KLHL29: variants seen among roughly 807,000 people sequenced by gnomAD.
KLHL29 encodes the protein kelch like family member 29.
In KLHL29, 21 loss-of-function variants were observed where a neutral mutation model predicts 80.4. That is an observed-to-expected ratio of 0.26 (90% CI 0.19 to 0.38). The LOEUF (loss-of-function observed/expected upper bound fraction) is 0.38. Ranked by LOEUF, KLHL29 falls within the 10% of genes least tolerant of loss-of-function variation. KLHL29 has a pLI of 1.00. For missense variants in KLHL29, 867 were observed against 1,223.9 expected, an observed-to-expected ratio of 0.71 and a Z score of 4.35; for synonymous variants, 511 against 526.8, an observed-to-expected ratio of 0.97 and a Z score of 0.41.
intron 5 of KLHL29, among the ~76,000 whole-genome samples, chr2:23,649,802 C>A (rs1670040407): frequency 6.6e-6 from 1 of 152,222 alleles, no homozygotes; most frequent in Non-Finnish European, 1.5e-5. Context: ...GGTGCTGACC[C>A]GTGGCAGGAA....
intron 3 of KLHL29, among the ~76,000 whole-genome samples, chr2:23,635,115 G>C (rs1407295798): frequency 6.6e-6 from 1 of 152,244 alleles, no homozygotes; most frequent in Non-Finnish European, 1.5e-5. Flanking sequence ...ACAGGACGCT[G>C]CTAGTCTATA....
chr2:23,629,647 G>T (rs1669418859), intron 3 of KLHL29, among the ~76,000 whole-genome samples: 1 of 152,184 alleles, frequency 6.6e-6, no homozygotes. Context: ...CCCATCTGTG[G>T]TTGCTTTATG....
At chr2:23,511,614 G>C (rs1021895377) in intron 2 of KLHL29, among the ~76,000 whole-genome samples, 1 of 152,180 alleles carries the variant, frequency 6.6e-6, no homozygotes, top group African/African-American at 2.4e-5. Flanking sequence ...TTATCTCAGC[G>C]TTGAGAGTAT....
intron 3 of KLHL29, among the ~76,000 whole-genome samples, chr2:23,632,949 A>T (rs1669507827): frequency 6.6e-6 from 1 of 151,036 alleles, no homozygotes; most frequent in Admixed American, 6.6e-5. Context: ...CTGGTAGAGA[A>T]AGTTTTCTGA....
chr2:23,692,827 T>TG (rs1441226948), intron 7 of KLHL29, among the ~76,000 whole-genome samples: 3 of 152,064 alleles, frequency 2.0e-5, no homozygotes, highest in Non-Finnish European at 4.4e-5. Context: ...TGCAAGAAGC[T>TG]GGGAGGTGTG....
chr2:23,581,151 T>G (rs1436468268), intron 3 of KLHL29, among the ~76,000 whole-genome samples: 1 of 151,946 alleles, frequency 6.6e-6, no homozygotes, highest in Non-Finnish European at 1.5e-5. Context: ...ATTTAAACAA[T>G]GACATCTTCT....
chr2:23,626,355 T>C (rs1221113182), intron 3 of KLHL29, among the ~76,000 whole-genome samples: 1 of 152,106 alleles, frequency 6.6e-6, no homozygotes, highest in East Asian at 1.9e-4. Context: ...GTGGCCTAGT[T>C]CCTAACAGGC....
intron 2 of KLHL29, among the ~76,000 whole-genome samples, chr2:23,501,370 A>C (rs1260065678): frequency 6.6e-6 from 1 of 152,012 alleles, no homozygotes; most frequent in Non-Finnish European, 1.5e-5. Context: ...CCGGGGAAAG[A>C]GGCTATACAG....
chr2:23,643,703 GC>G (rs1027294909), intron 5 of KLHL29: 4 of 152,326 alleles, frequency 2.6e-5, no homozygotes, highest in African/African-American at 9.7e-5. Context: ...CTATAGGTTT[GC>G]CTAGCCCTTA....
chr2:23,465,327 G>A (rs1387541100), intron 1 of KLHL29, among the ~76,000 whole-genome samples: 1 of 152,206 alleles, frequency 6.6e-6, no homozygotes, highest in Non-Finnish European at 1.5e-5. Flanking sequence ...TCCAGCCAGG[G>A]CATCACCTGC....
At chr2:23,488,002 A>G (rs10206453) in intron 2 of KLHL29, among the ~76,000 whole-genome samples, 102,867 of 152,080 alleles carry the variant, frequency 0.68, 34,827 homozygotes, top group Middle Eastern at 0.77. Flanking sequence ...TTAACCTCCT[A>G]CGGCCAGTGA....
chr2:23,583,106 C>T (rs1668026709), intron 3 of KLHL29, among the ~76,000 whole-genome samples: 1 of 152,214 alleles, frequency 6.6e-6, no homozygotes, highest in Non-Finnish European at 1.5e-5. Flanking sequence ...GGACCCTCCC[C>T]TGGAGCATCC....
At chr2:23,651,410 C>T (rs533232881) in intron 5 of KLHL29, among the ~76,000 whole-genome samples, 41 of 152,232 alleles carry the variant, frequency 2.7e-4, no homozygotes, top group African/African-American at 8.2e-4. Context: ...AATGACCTCT[C>T]GGTGTCATTG....
intron 3 of KLHL29, among the ~76,000 whole-genome samples, chr2:23,595,569 C>T (rs554595872): frequency 7.9e-5 from 12 of 152,294 alleles, no homozygotes; most frequent in African/African-American, 2.6e-4. Context: ...GAGAGATGGA[C>T]GCAGAGAAGG....
intron 2 of KLHL29, among the ~76,000 whole-genome samples, chr2:23,507,760 G>T (rs1217591767): frequency 6.6e-6 from 1 of 152,074 alleles, no homozygotes; most frequent in African/African-American, 2.4e-5. Context: ...CTCTGCCTCT[G>T]TTGTTGCTCT....
intron 3 of KLHL29, among the ~76,000 whole-genome samples, chr2:23,635,162 C>A (rs1669575856): frequency 6.6e-6 from 1 of 152,228 alleles, no homozygotes; most frequent in Non-Finnish European, 1.5e-5. Context: ...GGGGTTTCCT[C>A]TGGGTGGACA....
In KLHL29 at chr2:23,562,361, G is replaced by A. The variant is rs781234171; in HGVS notation, c.165G>A (p.Pro55=). ...SSLSVRPGLL[P]LPVVPSRLPT... is the part of the protein sequence containing the mutation. ...TCAGCGTCCGGCCCGGCCTCCTGCC[G>A]CTGCCCGTGGTGCCCTCCCGGCTGC... is the stretch of plus-strand genomic sequence containing the variant. Residue 55 remains proline, a synonymous_variant, in exon 3 of 14, where the codon CCG becomes CCA. Coordinates refer to ENST00000486442, the MANE Select transcript of KLHL29 (RefSeq NM_052920.2). The surrounding 1 kb of genome is among the most constrained non-coding windows in gnomAD (Gnocchi z 4.5). 1.1e-4 allele frequency: 165 copies of A among 1,541,984 alleles called. 1 individual carries two copies. Among genetic ancestry groups the A allele is most frequent in the Middle Eastern group, 3.4e-4 (2 of 5,948 alleles).
intron 6 of KLHL29, among the ~76,000 whole-genome samples, chr2:23,688,403 C>T (rs1335425854): frequency 1.3e-5 from 2 of 152,188 alleles, no homozygotes; most frequent in Non-Finnish European, 2.9e-5. Flanking sequence ...TTCCAACTTG[C>T]AAAATGAAAA....
chr2:23,472,520 G>A (rs1664522555), intron 1 of KLHL29, among the ~76,000 whole-genome samples: 2 of 152,190 alleles, frequency 1.3e-5, no homozygotes, highest in Admixed American at 6.5e-5. Flanking sequence ...TGTAGTCCCA[G>A]CTACTTGGGA....
Sources: allele counts gnomAD v4.1 joint callset (sites outside exome capture counted in the v4.1 genomes callset), GRCh38; gene constraint gnomAD v4.1.1; non-coding constraint Gnocchi (gnomAD v3.1); transcripts MANE v1.5; gene names NCBI Gene and HGNC (gene_info 2026-07-23, HGNC 2026-07-21).